NTM: variants seen among roughly 807,000 people sequenced by gnomAD.
NTM encodes the protein IgLON family member 2.
NTM carries 13 observed loss-of-function variants against 42.1 expected under a neutral mutation model. The observed-to-expected ratio is 0.31, with a 90% CI of 0.20 to 0.49. The LOEUF (loss-of-function observed/expected upper bound fraction) is 0.49, where lower values mean the gene tolerates loss of function less well. Ranked by LOEUF, NTM falls within the 20% of genes least tolerant of loss-of-function variation. The pLI is 0.99. For synonymous variants in NTM, 187 were observed against 179.2 expected, an observed-to-expected ratio of 1.04 and a Z score of -0.35; for missense variants, 373 against 452.8, an observed-to-expected ratio of 0.82 and a Z score of 1.60.
rs902442456 is a variant in NTM, at chr11:131,709,763, A to T, written c.83-201801A>T. On this transcript the variant is annotated intron_variant, in intron 1 of 8. Transcript: ENST00000683400. ...TTTAAAGCCATAAACCTTGAATAAG[A>T]TCCTAAAATGGAGCGAATATAGATA... Among the ~76,000 whole-genome samples, 4 of 152,210 alleles carry T rather than the reference A, an allele frequency of 2.6e-5. No individual in the cohort carries two copies. In the South Asian group the frequency reaches 6.2e-4, roughly 24 times the overall value.
chr11:132,016,258 A>G (rs1229842191), intron 2 of NTM, among the ~76,000 whole-genome samples: 2 of 152,024 alleles, frequency 1.3e-5, no homozygotes, highest in South Asian at 2.1e-4. Context: ...AAGTGAATGT[A>G]TAGAGTTGTG....
intron 1 of NTM, among the ~76,000 whole-genome samples, chr11:131,464,836 C>T (rs1487704890): frequency 2.6e-5 from 4 of 152,158 alleles, no homozygotes; most frequent in African/African-American, 9.7e-5. Context: ...TCGGATCCTC[C>T]AGGTACTTTT....
chr11:131,473,379 G>A (rs1202068676), intron 1 of NTM, among the ~76,000 whole-genome samples: 1 of 152,160 alleles, frequency 6.6e-6, no homozygotes, highest in East Asian at 1.9e-4. Context: ...GATCCTGATG[G>A]GGAGGGAGAG....
At chr11:131,435,164 C>A (rs1050039331) in intron 1 of NTM, among the ~76,000 whole-genome samples, 1 of 152,154 alleles carries the variant, frequency 6.6e-6, no homozygotes, top group African/African-American at 2.4e-5. Flanking sequence ...TGTTTTGGTA[C>A]CAGTACCATG....
chr11:131,830,137 C>G (rs2042634675), intron 1 of NTM, among the ~76,000 whole-genome samples: 1 of 152,140 alleles, frequency 6.6e-6, no homozygotes. Context: ...ATTGTTTACT[C>G]TGTTGATAGT....
chr11:131,932,664 G>C (rs773484251), intron 2 of NTM, among the ~76,000 whole-genome samples: 2 of 152,206 alleles, frequency 1.3e-5, no homozygotes, highest in Non-Finnish European at 2.9e-5. Context: ...AGATGATGCT[G>C]ATGGTGGTGA....
In NTM at chr11:131,490,634, G is replaced by A. The variant is rs745627470; in HGVS notation, c.82+119746G>A. 9.0e-4 allele frequency among the ~76,000 whole-genome samples: 137 copies of A among 152,288 alleles called. 2 individuals are homozygous for A. The highest frequency in any genetic ancestry group is 4.6e-4 in the Admixed American group (7 of 15,294). On this transcript the variant is annotated intron_variant, in intron 1 of 8. Transcript: ENST00000683400. ...AAAAGAGCTAAGAGAAACAGGGCCTGTCACTTGAACTGTCTGCTTGCAAGA... is the reference window on the plus strand; with the variant it reads ...AAAAGAGCTAAGAGAAACAGGGCCTATCACTTGAACTGTCTGCTTGCAAGA...
At chr11:132,276,203 C>A (rs763107272) in intron 4 of NTM, among the ~76,000 whole-genome samples, 1 of 152,012 alleles carries the variant, frequency 6.6e-6, no homozygotes, top group Non-Finnish European at 1.5e-5. Flanking sequence ...GAATAGTATT[C>A]CATTGTGTAT....
chr11:131,468,713 G>T (rs1445673657), intron 1 of NTM, among the ~76,000 whole-genome samples: 1 of 152,236 alleles, frequency 6.6e-6, no homozygotes, highest in African/African-American at 2.4e-5. Context: ...GTTAACAGAG[G>T]AAGAGAGATT....
intron 1 of NTM, among the ~76,000 whole-genome samples, chr11:131,859,862 T>G: frequency 6.6e-6 from 1 of 152,112 alleles, no homozygotes; most frequent in South Asian, 2.1e-4. Flanking sequence ...GCCTCCCCTT[T>G]TTTTTTTCTC....
In NTM at chr11:131,725,399, C is replaced by T. The variant is rs149960095; in HGVS notation, c.83-186165C>T. Among the ~76,000 whole-genome samples the T allele has an allele frequency of 6.9e-4, 105 of 152,140 alleles. 1 individual carries two copies. The highest frequency in any genetic ancestry group is 2.5e-3 in the African/African-American group (102 of 41,512). ...ACAAATAAATTCTATGGAGAGAAGT[C>T]AGAGAACAGGAAGGGTAGCCTTGGT... On this transcript the variant is annotated intron_variant, in intron 1 of 8. Transcript: ENST00000683400.
At chr11:132,101,329 T>G (rs906962870) in intron 2 of NTM, among the ~76,000 whole-genome samples, 3 of 152,146 alleles carry the variant, frequency 2.0e-5, no homozygotes, top group Admixed American at 2.0e-4. Flanking sequence ...ACCTGTGACA[T>G]CACTCTACCT....
At chr11:131,690,778 C>A (rs1239412415) in intron 1 of NTM, among the ~76,000 whole-genome samples, 5 of 152,336 alleles carry the variant, frequency 3.3e-5, no homozygotes, top group South Asian at 4.1e-4. Context: ...GAGGATTCCT[C>A]CTTACAGTTT....
rs550001 is a variant in NTM, at chr11:132,003,508, T to A, written c.167+91860T>A. Among the ~76,000 whole-genome samples the A allele has an allele frequency of 0.7, 106,693 of 152,078 alleles. 38,277 individuals carry two copies. The highest frequency in any genetic ancestry group is 0.97 in the East Asian group (5,015 of 5,160). ...CGATCCTTCTGGCTCAGACCTCCAA[T>A]GTGCTGGGATTATAAGCATTAGCCA... On this transcript the variant is annotated intron_variant, in intron 2 of 8. Coordinates refer to ENST00000683400, the MANE Select transcript of NTM (RefSeq NM_001352005.2). This position sits in a 1 kb window ranked among gnomAD's most constrained non-coding sequence, Gnocchi z 6.0.
At chr11:131,786,073 AG>A (rs2089147429) in intron 1 of NTM, among the ~76,000 whole-genome samples, 1 of 152,192 alleles carries the variant, frequency 6.6e-6, no homozygotes, top group Admixed American at 6.5e-5. Context: ...GGTTTCTTTC[AG>A]GGAGAGCCAG....
chr11:132,333,796 G>A (rs2095843067), intron 8 of NTM, among the ~76,000 whole-genome samples: 1 of 151,618 alleles, frequency 6.6e-6, no homozygotes, highest in South Asian at 2.1e-4. Flanking sequence ...CCCCAAATTA[G>A]GGATTTATCC....
chr11:131,894,538 G>A (rs554521029), intron 1 of NTM, among the ~76,000 whole-genome samples: 32 of 152,286 alleles, frequency 2.1e-4, no homozygotes, highest in Middle Eastern at 6.8e-3. Flanking sequence ...CAGGCAAAGG[G>A]CCTAATGAGA....
chr11:131,789,599 A>AAGG lies in NTM; in HGVS notation c.83-121963_83-121962insGAG, dbSNP rs1565552543. On this transcript the variant is annotated intron_variant, in intron 1 of 8. Coordinates refer to ENST00000683400, the MANE Select transcript of NTM (RefSeq NM_001352005.2). ...GAAGAAGAAGAAGAAGAAGAAGAAG[A>AAGG]AGAAGAAGAAGAAGAAGAAGAAGAA... Among the ~76,000 whole-genome samples, 12 of 71,256 alleles carry AAGG rather than the reference A, an allele frequency of 1.7e-4. 3 individuals carry two copies. Among genetic ancestry groups the AAGG allele is most frequent in the South Asian group, 3.8e-4 (1 of 2,618 alleles). The allele number at this position is 71,256 out of a possible 152,430, so 46.7% of individuals were successfully genotyped here. A position where few individuals can be genotyped will look rare whatever the true frequency, so the allele number is the denominator to read the frequency against.
chr11:132,105,430 C>T (rs551158214), intron 2 of NTM, among the ~76,000 whole-genome samples: 1 of 151,698 alleles, frequency 6.6e-6, no homozygotes, highest in Non-Finnish European at 1.5e-5. Context: ...GGGAGAGAAA[C>T]ATGAGAAGAG....
Sources: allele counts gnomAD v4.1 joint callset (sites outside exome capture counted in the v4.1 genomes callset), GRCh38; gene constraint gnomAD v4.1.1; non-coding constraint Gnocchi (gnomAD v3.1); transcripts MANE v1.5; gene names NCBI Gene and HGNC (gene_info 2026-07-23, HGNC 2026-07-21).